MYCBP2: variants seen among roughly 807,000 people sequenced by gnomAD.
The protein encoded by MYCBP2 is E3 ubiquitin-protein ligase MYCBP2.
A neutral mutation model predicts 525.3 loss-of-function variants in MYCBP2; 120 were observed. The ratio of observed to expected loss-of-function variants is 0.23; its 90% CI spans 0.20 to 0.27. MYCBP2 has a LOEUF of 0.27. Among genes scored for constraint, MYCBP2 ranks in the 10% least tolerant of loss-of-function variants. The pLI is 1.00. For synonymous variants in MYCBP2, 1,894 were observed against 1,955.8 expected, an observed-to-expected ratio of 0.97 and a Z score of 0.83; for missense variants, 4,149 against 5,657.1, an observed-to-expected ratio of 0.73 and a Z score of 8.55.
intron 73 of MYCBP2, among the ~76,000 whole-genome samples, chr13:77,063,295 T>G (rs2039627683): frequency 6.6e-6 from 1 of 152,294 alleles, no homozygotes; most frequent in African/African-American, 2.4e-5. Context: ...CAGTGGCACA[T>G]GCCTGTAATC....
intron 49 of MYCBP2, among the ~76,000 whole-genome samples, chr13:77,143,312 A>G (rs571014985): frequency 6.6e-6 from 1 of 152,302 alleles, no homozygotes; most frequent in Non-Finnish European, 1.5e-5. Context: ...CAATGTGGAC[A>G]GGCGCTGTCC....
In MYCBP2 at chr13:77,140,867, C is replaced by A. The variant is rs1406367069; in HGVS notation, c.7380G>T (p.Lys2460Asn). 6.2e-7 allele frequency: 1 copy of A among 1,612,236 alleles called. No homozygotes were observed. The highest frequency in any genetic ancestry group is 8.5e-7 in the Non-Finnish European group (1 of 1,179,452). Residue 2460 changes from lysine (K) to asparagine (N), a missense_variant, in exon 50 of 83, where the codon AAG becomes AAT. By Grantham distance (94) the Lys-to-Asn change is moderately conservative. This residue lies in a region of MYCBP2 where 692 missense variants were observed against 852.7 expected (regional missense o/e 0.81). Transcript: ENST00000544440. ...TAACCTTATTAGGCTGAGGTTCAGACTTTGGTTTGACCAACTGAGTTCCTG... is the reference window on the plus strand; with the variant it reads ...TAACCTTATTAGGCTGAGGTTCAGAATTTGGTTTGACCAACTGAGTTCCTG... The part of the protein sequence containing the change: ...IPPGTQLVKP[K>N]SEPQPNKVRK...
chr13:77,105,694 TA>T lies in MYCBP2; in HGVS notation c.8141-6682del, dbSNP rs549613796. 2.8e-3 allele frequency among the ~76,000 whole-genome samples: 422 copies of T among 152,250 alleles called. 1 individual carries two copies. Among genetic ancestry groups the T allele is most frequent in the Non-Finnish European group, 4.8e-3 (325 of 68,006 alleles). On this transcript the variant is annotated intron_variant, in intron 55 of 82. Transcript: ENST00000544440. ...TTTTACAAAATCCTGTTAATACAGATAAGACAACCAGTTATTATATTCCTCT... is the reference window on the plus strand; with the variant it reads ...TTTTACAAAATCCTGTTAATACAGATAGACAACCAGTTATTATATTCCTCT...
At chr13:77,248,958 T>C (rs955955932) in intron 15 of MYCBP2, among the ~76,000 whole-genome samples, 1 of 152,234 alleles carries the variant, frequency 6.6e-6, no homozygotes, top group Admixed American at 6.5e-5. Flanking sequence ...TTCCGACATA[T>C]GTGACAACCT....
chr13:77,076,598 T>C (rs1002780851), intron 68 of MYCBP2, among the ~76,000 whole-genome samples, 153 bp downstream of exon 68: 13 of 152,194 alleles, frequency 8.5e-5, no homozygotes, highest in African/African-American at 3.1e-4. Context: ...AATGAATTTC[T>C]TTTAGATAGT....
chr13:77,141,770 CAAAAA>C (rs34124996), intron 49 of MYCBP2, among the ~76,000 whole-genome samples: 1 of 81,708 alleles, frequency 1.2e-5, no homozygotes, highest in Admixed American at 1.4e-4. Flanking sequence ...GACTCTGTCT[CAAAAA>C]AAAAAAAAAA....
chr13:77,144,677 C>T (rs1216490347), intron 48 of MYCBP2, 117 bp from the exon 49 acceptor site: 1 of 729,556 alleles, frequency 1.4e-6, no homozygotes, highest in Non-Finnish European at 2.4e-6. Flanking sequence ...TCCTACCACC[C>T]TGCCATAGTA....
intron 82 of MYCBP2, among the ~76,000 whole-genome samples, chr13:77,049,808 G>A (rs1010391958): frequency 7.2e-5 from 11 of 152,060 alleles, no homozygotes; most frequent in African/African-American, 2.7e-4. Flanking sequence ...GCTAATTTTT[G>A]TACATTTAGT....
At chr13:77,317,325 C>T (rs1174169500) in intron 1 of MYCBP2, among the ~76,000 whole-genome samples, 1 of 152,202 alleles carries the variant, frequency 6.6e-6, no homozygotes, top group Non-Finnish European at 1.5e-5. Flanking sequence ...ACAGGATTCT[C>T]ATAGCGCCCT....
chr13:77,180,445 T>C (rs542645032), intron 33 of MYCBP2, 127 bp from the exon 34 acceptor site: 3 of 782,396 alleles, frequency 3.8e-6, no homozygotes, highest in Non-Finnish European at 6.0e-6. Flanking sequence ...TTTCTACAAA[T>C]CTTTCTGGTT....
intron 47 of MYCBP2, among the ~76,000 whole-genome samples, chr13:77,148,653 C>T (rs1249714847): frequency 6.6e-6 from 1 of 152,076 alleles, no homozygotes; most frequent in Non-Finnish European, 1.5e-5. Flanking sequence ...ATTGTTTTAT[C>T]CATGCTCATA....
At chr13:77,248,342 C>G (rs575467964) in intron 15 of MYCBP2, among the ~76,000 whole-genome samples, 6 of 152,068 alleles carry the variant, frequency 3.9e-5, no homozygotes, top group African/African-American at 1.4e-4. Context: ...ACAGACAGAA[C>G]TTTTTATTTT....
chr13:77,153,427 A>G (rs1337910577), intron 46 of MYCBP2, among the ~76,000 whole-genome samples: 1 of 152,220 alleles, frequency 6.6e-6, no homozygotes, highest in Non-Finnish European at 1.5e-5. Context: ...AAGTCCCACA[A>G]AGGGGTCAAG....
chr13:77,150,859 C>A lies in MYCBP2; in HGVS notation c.7006G>T (p.Ala2336Ser). Residue 2336 changes from alanine (A) to serine (S), a missense_variant, in exon 47 of 83, where the codon GCA becomes TCA. By Grantham distance (99) the Ala-to-Ser change is moderately conservative (BLOSUM62 1). Around this residue, in one of 21 missense-constraint regions of MYCBP2, gnomAD observed 692 missense variants for 852.7 expected, o/e 0.81. Transcript: ENST00000544440. Reference protein sequence around the residue: ...KKPQRIPGSPAVTAASSNTDM... With the variant: ...KKPQRIPGSPSVTAASSNTDM... ...GTATTAGAAGATGCAGCTGTTACTG[C>A]AGGACTGCCAGGAATCCTTTGAGGT... The A allele has an allele frequency of 6.2e-7, 1 of 1,614,124 alleles. No individual in the cohort carries two copies. Among genetic ancestry groups the A allele is most frequent in the Non-Finnish European group, 8.5e-7 (1 of 1,179,990 alleles).
intron 8 of MYCBP2, among the ~76,000 whole-genome samples, chr13:77,266,168 C>T (rs2074047318): frequency 6.6e-6 from 1 of 152,174 alleles, no homozygotes; most frequent in Admixed American, 6.6e-5. Context: ...TGCAGGGTTT[C>T]TCAGAAGTAA....
chr13:77,228,100 A>G (rs1291202276), intron 18 of MYCBP2, among the ~76,000 whole-genome samples: 1 of 152,104 alleles, frequency 6.6e-6, no homozygotes, highest in East Asian at 1.9e-4. Flanking sequence ...AAAATTGAGT[A>G]TAATTCCTAT....
At chr13:77,311,574 T>TTG (rs2080230515) in intron 1 of MYCBP2, among the ~76,000 whole-genome samples, 1 of 150,802 alleles carries the variant, frequency 6.6e-6, no homozygotes, top group Middle Eastern at 3.2e-3. Flanking sequence ...TGTTTTTTTT[T>TTG]TTTTGTTTTT....
chr13:77,132,370 C>T (rs1340636059), intron 52 of MYCBP2, among the ~76,000 whole-genome samples: 2 of 152,016 alleles, frequency 1.3e-5, no homozygotes, highest in African/African-American at 4.8e-5. Flanking sequence ...GAAACATTTG[C>T]CAATTTTATC....
intron 1 of MYCBP2, among the ~76,000 whole-genome samples, chr13:77,302,697 C>T (rs2078933519): frequency 6.6e-6 from 1 of 152,044 alleles, no homozygotes; most frequent in African/African-American, 2.4e-5. Flanking sequence ...AGGATACATG[C>T]TAAAAGGACA....
Sources: allele counts gnomAD v4.1 joint callset (sites outside exome capture counted in the v4.1 genomes callset), GRCh38; gene constraint gnomAD v4.1.1; regional missense constraint gnomAD v4.1.1; transcripts MANE v1.5; gene names NCBI Gene and HGNC (gene_info 2026-07-23, HGNC 2026-07-21).